Variants in THOC1 observed in about 807,000 individuals in gnomAD.
THOC1 encodes the protein THO complex subunit 1, also known as THO complex 1.
Under a neutral mutation model 97.3 loss-of-function variants are expected in THOC1, and 29 were observed. That is an observed-to-expected ratio of 0.30 (90% CI 0.22 to 0.41). THOC1 has a LOEUF of 0.41. THOC1 is among the 10% of genes least tolerant of loss of function. The probability of loss-of-function intolerance (pLI) is 1.00; values close to 1 mark genes in which losing one functional copy is unlikely to be tolerated. For synonymous variants in THOC1, 255 were observed against 257.0 expected (o/e 0.99, Z 0.07); for missense variants, 529 against 761.9 (o/e 0.69, Z 3.60).
At position 238,954 on chromosome 18, in the gene THOC1, T is replaced by A. The variant is rs371560267; in HGVS notation, c.918+7370A>T. Among the ~76,000 whole-genome samples the A allele has an allele frequency of 3.9e-5, 6 of 152,206 alleles. 1 individual carries two copies. In the South Asian group the frequency reaches 1.2e-3, roughly 31 times the overall value. Reference sequence around the variant, plus strand: ...ACAAGGTAGAAAAAAGATACAAATATAGAATTTTAATAAACATAAGACTTT... The same window carrying A: ...ACAAGGTAGAAAAAAGATACAAATAAAGAATTTTAATAAACATAAGACTTT... On this transcript the variant is annotated intron_variant, in intron 11 of 20. Transcript: ENST00000261600.
intron 11 of THOC1, among the ~76,000 whole-genome samples, chr18:228,323 C>G (rs1036563529): frequency 6.6e-6 from 1 of 152,054 alleles, no homozygotes; most frequent in Non-Finnish European, 1.5e-5. Context: ...TGGATCTTAC[C>G]GAGACTTTAA....
At chr18:255,293 A>C (rs1243284103) in intron 7 of THOC1, among the ~76,000 whole-genome samples, 1 of 152,248 alleles carries the variant, frequency 6.6e-6, no homozygotes, top group Non-Finnish European at 1.5e-5. Flanking sequence ...CGACAGGCTG[A>C]AAGTTCTCTT....
At chr18:216,372 C>CT (rs1910890844) in intron 19 of THOC1, 114 bp downstream of exon 19, 1 of 1,147,294 alleles carries the variant, frequency 8.7e-7, no homozygotes, top group African/African-American at 1.6e-5. Flanking sequence ...AACATGGGAG[C>CT]TTGTGGATCA....
At chr18:243,764 T>C (rs1911992295) in intron 11 of THOC1, among the ~76,000 whole-genome samples, 1 of 152,200 alleles carries the variant, frequency 6.6e-6, no homozygotes, top group African/African-American at 2.4e-5. Flanking sequence ...TGGGATTTTC[T>C]TACACATGAA....
At chr18:227,282 TC>T (rs1911323574) in intron 11 of THOC1, among the ~76,000 whole-genome samples, 1 of 152,108 alleles carries the variant, frequency 6.6e-6, no homozygotes. Context: ...GAGTTCGAGA[TC>T]AGTCTGAGCA....
In THOC1 at chr18:218,936, T is replaced by C; in HGVS notation, c.1404A>G (p.Glu468=). The change falls in exon 18 of 21, where the codon GAA becomes GAG. Residue 468 remains glutamate, a synonymous_variant. Coordinates refer to ENST00000261600, the MANE Select transcript of THOC1 (RefSeq NM_005131.3). Reference sequence around the variant, plus strand: ...CAGGGTCTGCCTGTTCAATGGCTTCTTCAAAGAATTCCTCCAAAGTGGGCA... The same window carrying C: ...CAGGGTCTGCCTGTTCAATGGCTTCCTCAAAGAATTCCTCCAAAGTGGGCA... ...EHMPTLEEFF[E]EAIEQADPEN... 2.5e-6 allele frequency: 4 copies of C among 1,606,216 alleles called. No individual in the cohort carries two copies. The highest frequency in any genetic ancestry group is 2.2e-5 in the South Asian group (2 of 89,334).
chr18:239,165 A>G (rs1397301552), intron 11 of THOC1, among the ~76,000 whole-genome samples: 1 of 152,234 alleles, frequency 6.6e-6, no homozygotes, highest in African/African-American at 2.4e-5. Flanking sequence ...AATTATATGA[A>G]TTTACAGAAT....
intron 8 of THOC1, among the ~76,000 whole-genome samples, chr18:252,825 C>A (rs979332164): frequency 6.6e-6 from 1 of 152,154 alleles, no homozygotes; most frequent in African/African-American, 2.4e-5. Context: ...AATGATATAA[C>A]ACAGTCATGA....
Position 229,948 on chromosome 18 carries a change from A to C in THOC1, c.919-3047T>G, listed in dbSNP as rs1395503735. On this transcript the variant is annotated intron_variant, in intron 11 of 20. Transcript: ENST00000261600. The stretch of plus-strand genomic sequence containing the variant: ...CTCTCCCCTTTAGCTCATTTCATAC[A>C]CTCTACAGTTTGAATTACCATTTAT... Among the ~76,000 whole-genome samples, 4 of 151,860 alleles carry C rather than the reference A, an allele frequency of 2.6e-5. No homozygotes were observed. The East Asian group carries it at 7.7e-4, about 29-fold the overall frequency.
intron 11 of THOC1, among the ~76,000 whole-genome samples, chr18:236,110 G>C (rs1911673711): frequency 6.6e-6 from 1 of 151,854 alleles, no homozygotes; most frequent in African/African-American, 2.4e-5. Context: ...TATTTATGTA[G>C]CTTTCTTTTT....
At chr18:217,938 T>C (rs1323771494) in intron 18 of THOC1, among the ~76,000 whole-genome samples, 1 of 152,178 alleles carries the variant, frequency 6.6e-6, no homozygotes, top group Non-Finnish European at 1.5e-5. Flanking sequence ...GGAGGTCTTT[T>C]AGGCCCTGGG....
chr18:241,022 G>A (rs530904943), intron 11 of THOC1, among the ~76,000 whole-genome samples: 35 of 152,220 alleles, frequency 2.3e-4, no homozygotes, highest in Middle Eastern at 3.4e-3. Context: ...GATAGGAGAC[G>A]GAGCTCAGGT....
In THOC1 at chr18:214,689, C is replaced by T. The variant is rs766920492; in HGVS notation, c.1911G>A (p.Leu637=). ...HATPENLINA[L]NKSGLSDLAE... is the part of the protein sequence containing the mutation. ...CAAGGTCACTTAATCCAGACTTATTCAGTGCATTAATCAGATTCTCAGGTG... is the reference window on the plus strand; with the variant it reads ...CAAGGTCACTTAATCCAGACTTATTTAGTGCATTAATCAGATTCTCAGGTG... Residue 637 remains leucine, a synonymous_variant, in exon 21 of 21, where the codon CTG becomes CTA. Coordinates refer to ENST00000261600, the MANE Select transcript of THOC1 (RefSeq NM_005131.3). 1 of 1,613,764 alleles carries T rather than the reference C, an allele frequency of 6.2e-7. No individual in the cohort carries two copies. The highest frequency in any genetic ancestry group is 1.1e-5 in the South Asian group (1 of 91,070).
chr18:261,903 T>A (rs7244818), intron 4 of THOC1, among the ~76,000 whole-genome samples: 1 of 152,022 alleles, frequency 6.6e-6, no homozygotes, highest in Non-Finnish European at 1.5e-5. Flanking sequence ...CTGGGAACCA[T>A]TGGGTTATAG....
Position 230,117 on chromosome 18 carries a change from A to G in THOC1, c.919-3216T>C, listed in dbSNP as rs558182667. ...ATTTCATGAACAAAGTAAAACATCA[A>G]TTTCCTCCACAAAAGCTGTTCTCCA... On this transcript the variant is annotated intron_variant, in intron 11 of 20. Coordinates refer to ENST00000261600, the MANE Select transcript of THOC1 (RefSeq NM_005131.3). 7.9e-5 allele frequency among the ~76,000 whole-genome samples: 12 copies of G among 152,302 alleles called. No homozygotes were observed. The South Asian group carries it at 2.5e-3, about 32-fold the overall frequency.
Position 246,321 on chromosome 18 carries a change from T to C in THOC1, c.918+3A>G. 5 of 1,543,778 alleles carry C rather than the reference T, an allele frequency of 3.2e-6. No individual in the cohort carries two copies. The highest frequency in any genetic ancestry group is 3.5e-6 in the Non-Finnish European group (4 of 1,131,264). ...ATGCTTAATGAAAAAGAAAAACTTATACCTTTTCACTTGTTAAAAATTTTG... is the reference window on the plus strand; with the variant it reads ...ATGCTTAATGAAAAAGAAAAACTTACACCTTTTCACTTGTTAAAAATTTTG... On this transcript the variant is annotated splice_donor_region_variant and intron_variant, in intron 11 of 20. Coordinates refer to ENST00000261600, the MANE Select transcript of THOC1 (RefSeq NM_005131.3).
chr18:262,536 C>A (rs1339635678), intron 4 of THOC1, among the ~76,000 whole-genome samples: 1 of 152,186 alleles, frequency 6.6e-6, no homozygotes, highest in East Asian at 1.9e-4. Flanking sequence ...TGTACAACTT[C>A]TTCATTAAAA....
At chr18:261,977 C>G (rs981888638) in intron 4 of THOC1, among the ~76,000 whole-genome samples, 2 of 152,176 alleles carry the variant, frequency 1.3e-5, no homozygotes, top group Non-Finnish European at 2.9e-5. Flanking sequence ...CTCTCCTTAC[C>G]CTTACCTGGG....
In THOC1 at chr18:246,383, C is replaced by T; in HGVS notation, c.859G>A (p.Glu287Lys). The change falls in exon 11 of 21, where the codon GAA becomes AAA. Residue 287 changes from glutamate (E) to lysine (K), a missense_variant. Physicochemically the swap from Glu to Lys is moderately conservative, Grantham distance 56. This residue lies in a region of THOC1 where 92 missense variants were observed against 127.0 expected (regional missense o/e 0.72). Transcript: ENST00000261600. ...DDTQASRKKM[E>K]ELKTGGEHVY... ...TGTTCTCCTCCTGTTTTCAATTCTTCCATCTTTTTTCTTGAGGCCTGAGTA... is the reference window on the plus strand; with the variant it reads ...TGTTCTCCTCCTGTTTTCAATTCTTTCATCTTTTTTCTTGAGGCCTGAGTA... The T allele has an allele frequency of 1.9e-6, 3 of 1,604,382 alleles. No individual in the cohort carries two copies. Among genetic ancestry groups the T allele is most frequent in the Non-Finnish European group, 2.6e-6 (3 of 1,172,594 alleles).
Sources: allele counts gnomAD v4.1 joint callset (sites outside exome capture counted in the v4.1 genomes callset), GRCh38; gene constraint gnomAD v4.1.1; regional missense constraint gnomAD v4.1.1; transcripts MANE v1.5; gene names NCBI Gene and HGNC (gene_info 2026-07-23, HGNC 2026-07-21).